Variants in APBB1IP observed in about 807,000 individuals in gnomAD.
APBB1IP encodes the protein amyloid beta A4 precursor protein-binding family B member 1-interacting protein.
APBB1IP carries 27 observed loss-of-function variants against 64.9 expected under a neutral mutation model. The ratio of observed to expected loss-of-function variants is 0.42; its 90% CI spans 0.31 to 0.57. APBB1IP has a LOEUF of 0.57. Among genes scored for constraint, APBB1IP ranks in the 20% least tolerant of loss-of-function variants. APBB1IP has a pLI of 0.20. For synonymous variants in APBB1IP, 392 were observed against 331.0 expected (o/e 1.18, Z -2.00); for missense variants, 812 against 845.5 (o/e 0.96, Z 0.49).
chr10:26,564,182 G>A (rs1837010323), intron 14 of APBB1IP, among the ~76,000 whole-genome samples: 1 of 151,826 alleles, frequency 6.6e-6, no homozygotes, highest in African/African-American at 2.4e-5. Context: ...AGCAGAGAAT[G>A]AAATGAACTG....
intron 2 of APBB1IP, among the ~76,000 whole-genome samples, chr10:26,467,129 C>G (rs1835657575): frequency 6.6e-6 from 1 of 151,896 alleles, no homozygotes; most frequent in Non-Finnish European, 1.5e-5. Context: ...TGGTCTCGAA[C>G]TCCTGGCCTC....
intron 10 of APBB1IP, among the ~76,000 whole-genome samples, chr10:26,540,661 T>A (rs550824221): frequency 6.6e-6 from 1 of 152,312 alleles, no homozygotes; most frequent in Non-Finnish European, 1.5e-5. Context: ...TGCCATCTAT[T>A]CTTTATTCAC....
chr10:26,459,913 T>C (rs1396414480), intron 2 of APBB1IP, among the ~76,000 whole-genome samples: 1 of 152,196 alleles, frequency 6.6e-6, no homozygotes, highest in East Asian at 1.9e-4. Context: ...CAGTCAAATA[T>C]AGAAATTAAA....
intron 6 of APBB1IP, chr10:26,509,742 T>C (rs1049684125): frequency 5.9e-5 from 9 of 152,206 alleles, no homozygotes; most frequent in African/African-American, 2.2e-4. Flanking sequence ...AAAGAAATGT[T>C]ACCAAATTTA....
intron 3 of APBB1IP, among the ~76,000 whole-genome samples, chr10:26,493,751 T>G (rs1835986922): frequency 6.6e-6 from 1 of 152,164 alleles, no homozygotes; most frequent in Non-Finnish European, 1.5e-5. Context: ...TACCCCCAAG[T>G]TTACTATCCT....
intron 2 of APBB1IP, among the ~76,000 whole-genome samples, chr10:26,485,965 C>T (rs1835885416): frequency 6.6e-6 from 1 of 152,088 alleles, no homozygotes; most frequent in South Asian, 2.1e-4. Flanking sequence ...CCTGGTGGCT[C>T]AAGCCTGTAA....
chr10:26,458,662 TAACA>T (rs760124199), intron 2 of APBB1IP, among the ~76,000 whole-genome samples: 13 of 152,144 alleles, frequency 8.5e-5, no homozygotes, highest in African/African-American at 2.2e-4. Context: ...ATAAAATAGG[TAACA>T]AACAAAGACT....
At chr10:26,525,454 T>C (rs1836461676) in intron 8 of APBB1IP, among the ~76,000 whole-genome samples, 1 of 152,214 alleles carries the variant, frequency 6.6e-6, no homozygotes, top group African/African-American at 2.4e-5. Context: ...GTATCAGCCA[T>C]GACCTCTGCA....
At chr10:26,540,907 ATC>A (rs1458842195) in intron 10 of APBB1IP, among the ~76,000 whole-genome samples, 1 of 151,150 alleles carries the variant, frequency 6.6e-6, no homozygotes, top group Non-Finnish European at 1.5e-5. Context: ...GCATAAGTTT[ATC>A]TCTCATTTTT....
intron 3 of APBB1IP, among the ~76,000 whole-genome samples, chr10:26,495,157 A>G (rs147987347): frequency 0.017 from 2,578 of 151,360 alleles, 68 homozygotes; most frequent in African/African-American, 0.057. Flanking sequence ...ACAGGTGTGC[A>G]CCACCACACC....
chr10:26,459,865 A>G (rs980204075), intron 2 of APBB1IP, among the ~76,000 whole-genome samples: 1 of 152,188 alleles, frequency 6.6e-6, no homozygotes, highest in Admixed American at 6.6e-5. Flanking sequence ...TTTTTACTCA[A>G]ATCCCCTATA....
chr10:26,491,867 T>C (rs138608456), intron 2 of APBB1IP, among the ~76,000 whole-genome samples: 2,327 of 150,494 alleles, frequency 0.015, 57 homozygotes, highest in African/African-American at 0.054. Context: ...GTTCAAGCGA[T>C]TTTCCTGCCT....
At chr10:26,489,350 G>A (rs971505067) in intron 2 of APBB1IP, among the ~76,000 whole-genome samples, 1 of 152,144 alleles carries the variant, frequency 6.6e-6, no homozygotes, top group Admixed American at 6.5e-5. Flanking sequence ...ATAAGGTTAT[G>A]TAGGAGAAGA....
chr10:26,521,574 T>A (rs938767256), intron 8 of APBB1IP, among the ~76,000 whole-genome samples: 11 of 152,094 alleles, frequency 7.2e-5, no homozygotes, highest in Admixed American at 1.3e-4. Flanking sequence ...CTTCCTCAGC[T>A]TACTTATCTG....
At chr10:26,553,555 G>A (rs1440131443) in intron 11 of APBB1IP, among the ~76,000 whole-genome samples, 2 of 152,116 alleles carry the variant, frequency 1.3e-5, no homozygotes, top group East Asian at 1.9e-4. Flanking sequence ...TCAGGTGGCC[G>A]ATCGGGGTGG....
rs139677304 is a variant in APBB1IP at position 26,493,473 on chromosome 10, T to C, written c.72+1075T>C. ...CAGGCGTAAGAAATTATAAAAGTAT[T>C]AATTTGGGGAACTAATAAACGTCCA... On this transcript the variant is annotated intron_variant, in intron 3 of 14. Transcript: ENST00000376236. Among the ~76,000 whole-genome samples, 253 of 152,330 alleles carry C rather than the reference T, an allele frequency of 1.7e-3. 1 individual carries two copies. The highest frequency in any genetic ancestry group is 5.8e-3 in the African/African-American group (242 of 41,570).
chr10:26,450,085 C>G (rs1167328888), intron 2 of APBB1IP, among the ~76,000 whole-genome samples: 1 of 152,048 alleles, frequency 6.6e-6, no homozygotes, highest in African/African-American at 2.4e-5. Flanking sequence ...GAATGGTTTA[C>G]AGCATCTCAG....
At chr10:26,499,824 C>T (rs937539016) in intron 4 of APBB1IP, among the ~76,000 whole-genome samples, 2 of 152,154 alleles carry the variant, frequency 1.3e-5, no homozygotes, top group African/African-American at 4.8e-5. Flanking sequence ...AAGTTAACTC[C>T]CAGCTTACTG....
chr10:26,472,344 G>A (rs566589122), intron 2 of APBB1IP, among the ~76,000 whole-genome samples: 1 of 152,250 alleles, frequency 6.6e-6, no homozygotes, highest in South Asian at 2.1e-4. Flanking sequence ...TTGGAATAAT[G>A]CCCAATAATA....
Sources: allele counts gnomAD v4.1 joint callset (sites outside exome capture counted in the v4.1 genomes callset), GRCh38; gene constraint gnomAD v4.1.1; transcripts MANE v1.5; gene names NCBI Gene and HGNC (gene_info 2026-07-23, HGNC 2026-07-21).